Variants in AP3B2 observed in about 807,000 individuals in gnomAD.
AP3B2 encodes the protein adaptor related protein complex 3 subunit beta 2.
AP3B2 carries 50 observed loss-of-function variants against 126.9 expected under a neutral mutation model. The ratio of observed to expected loss-of-function variants is 0.39; its 90% CI spans 0.31 to 0.50. The LOEUF (loss-of-function observed/expected upper bound fraction) is 0.50. Among genes scored for constraint, AP3B2 ranks in the 20% least tolerant of loss-of-function variants. AP3B2 has a pLI of 0.79. For missense variants in AP3B2, 1,177 were observed against 1,426.4 expected, an observed-to-expected ratio of 0.83 and a Z score of 2.82; for synonymous variants, 541 against 565.0, an observed-to-expected ratio of 0.96 and a Z score of 0.60.
At chr15:82,685,618 T>C (rs1290087771) in intron 4 of AP3B2, 1 of 152,240 alleles carries the variant, frequency 6.6e-6, no homozygotes, top group Non-Finnish European at 1.5e-5. Context: ...AAACCTGTTT[T>C]CCTTTTTTGT....
chr15:82,670,521 A>C (rs2048138885), intron 14 of AP3B2, among the ~76,000 whole-genome samples: 1 of 152,158 alleles, frequency 6.6e-6, no homozygotes, highest in African/African-American at 2.4e-5. Flanking sequence ...ATAAAACCAG[A>C]CCCCTATCTC....
chr15:82,662,754 G>C lies in AP3B2; in HGVS notation c.2773C>G (p.Leu925Val). 3 of 1,613,904 alleles carry C rather than the reference G, an allele frequency of 1.9e-6. No homozygotes were observed. Among genetic ancestry groups the C allele is most frequent in the Non-Finnish European group, 2.5e-6 (3 of 1,179,842 alleles). ...SNSSDTPIKGLHVGTPKLPAG... is the reference protein window; with the variant it reads ...SNSSDTPIKGVHVGTPKLPAG... Reference sequence around the variant, plus strand: ...GGCAGTTTGGGAGTGCCCACATGCAGGCCCTTGATGGGGGTATCAGAGCTG... The same window carrying C: ...GGCAGTTTGGGAGTGCCCACATGCACGCCCTTGATGGGGGTATCAGAGCTG... Residue 925 changes from leucine to valine, a missense_variant, in exon 23 of 27, where the codon CTG becomes GTG. Coordinates refer to ENST00000535359, the MANE Select transcript of AP3B2 (RefSeq NM_001278512.2).
Position 82,678,102 on chromosome 15 carries a change from T to C in AP3B2, c.1245+3A>G, listed in dbSNP as rs940753703. 5 of 1,613,652 alleles carry C rather than the reference T, an allele frequency of 3.1e-6. No homozygotes were observed. The highest frequency in any genetic ancestry group is 8.5e-7 in the Non-Finnish European group (1 of 1,179,818). ...GCCCTTCTGGCTGGGAGCTGGCCTGTACCTGGAATTCCCGTAGGACAGTAG... is the reference window on the plus strand; with the variant it reads ...GCCCTTCTGGCTGGGAGCTGGCCTGCACCTGGAATTCCCGTAGGACAGTAG... On this transcript the variant is annotated splice_donor_region_variant and intron_variant, in intron 11 of 26. Transcript: ENST00000535359.
Position 82,665,076 on chromosome 15 carries a change from G to A in AP3B2, c.2029-133C>T. 1 of 1,022,228 alleles carries A rather than the reference G, an allele frequency of 9.8e-7. No homozygotes were observed. Among genetic ancestry groups the A allele is most frequent in the South Asian group, 1.5e-5 (1 of 66,490 alleles). 63.3% of individuals were successfully genotyped at this position (1,022,228 alleles called of 1,614,324 possible). A position where few individuals can be genotyped will look rare whatever the true frequency, so the allele number is the denominator to read the frequency against. Reference sequence around the variant, plus strand: ...CTGTCCCACAAAGGGAATAACAGAGGAGGAAGAAAGGGGCACTGTCCATGG... The same window carrying A: ...CTGTCCCACAAAGGGAATAACAGAGAAGGAAGAAAGGGGCACTGTCCATGG... On this transcript the variant is annotated intron_variant, in intron 17 of 26. Transcript: ENST00000535359. This position sits in a 1 kb window ranked among gnomAD's most constrained non-coding sequence, Gnocchi z 4.4.
At chr15:82,693,582 C>T (rs898652531) in intron 1 of AP3B2, among the ~76,000 whole-genome samples, 1 of 151,962 alleles carries the variant, frequency 6.6e-6, no homozygotes, top group Non-Finnish European at 1.5e-5. Flanking sequence ...CATATTTCAC[C>T]CCAAAATAAA....
intron 4 of AP3B2, chr15:82,688,387 C>T (rs769460968): frequency 3.7e-5 from 26 of 701,584 alleles, no homozygotes; most frequent in Middle Eastern, 2.3e-4. Flanking sequence ...GACCACAATT[C>T]ACACCTTTAC....
rs1391683098 is a variant in AP3B2, at chr15:82,663,199, TG to T, written c.2531del (p.Pro844GlnfsTer15). Reference sequence around the variant, plus strand: ...CAGCCAGACTGGTAGACACAATTGCTGGGGGAGACACAGGCTGGACACTGGG... The same window carrying T: ...CAGCCAGACTGGTAGACACAATTGCTGGGGAGACACAGGCTGGACACTGGG... ...TPPSVQPVSP[P>X]AIVSTSLAAD... On this transcript the variant is annotated frameshift_variant, in exon 22 of 27. Transcript: ENST00000535359. LOFTEE classifies it high-confidence loss of function. 2 of 1,612,888 alleles carry T rather than the reference TG, an allele frequency of 1.2e-6. No homozygotes were observed. The highest frequency in any genetic ancestry group is 1.7e-6 in the Non-Finnish European group (2 of 1,179,692).
At chr15:82,683,843 G>A (rs2048384112) in intron 4 of AP3B2, among the ~76,000 whole-genome samples, 1 of 152,190 alleles carries the variant, frequency 6.6e-6, no homozygotes. Flanking sequence ...TAGCAGGCAT[G>A]AAATCATTAA....
At chr15:82,663,706 C>G (rs2047998433) in intron 20 of AP3B2, 86 bp from the exon 21 acceptor site, 1 of 1,605,678 alleles carries the variant, frequency 6.2e-7, no homozygotes, top group Non-Finnish European at 8.5e-7. Flanking sequence ...ATGTTCTGTT[C>G]TGGATGGTAG....
intron 1 of AP3B2, among the ~76,000 whole-genome samples, chr15:82,699,035 C>T (rs919283784): frequency 1.3e-5 from 2 of 152,204 alleles, no homozygotes; most frequent in African/African-American, 4.8e-5. Flanking sequence ...GAGGCAGAGG[C>T]AGGGACTAAG....
At chr15:82,663,448 G>A (rs966466657) in intron 21 of AP3B2, 112 bp downstream of exon 21, 1 of 1,251,828 alleles carries the variant, frequency 8.0e-7, no homozygotes, top group Non-Finnish European at 1.2e-6. Context: ...TGTTCTGTCT[G>A]CTCCCCTGCT....
At chr15:82,677,845 C>T in intron 11 of AP3B2, 42 bp from the exon 12 acceptor site, 1 of 1,547,548 alleles carries the variant, frequency 6.5e-7, no homozygotes, top group South Asian at 1.2e-5. Context: ...ACTCTGCAGG[C>T]TTGAGGGTGA....
chr15:82,705,908 T>G (rs2048788527), intron 1 of AP3B2, among the ~76,000 whole-genome samples: 1 of 152,106 alleles, frequency 6.6e-6, no homozygotes, highest in Non-Finnish European at 1.5e-5. Context: ...CTTTTGCCAC[T>G]CCTTTCCATT....
At chr15:82,668,982 C>T (rs902278473) in intron 14 of AP3B2, among the ~76,000 whole-genome samples, 4 of 152,186 alleles carry the variant, frequency 2.6e-5, no homozygotes, top group Non-Finnish European at 5.9e-5. Context: ...TGAAATATAT[C>T]CTCAATTCAC....
intron 1 of AP3B2, 66 bp from the exon 2 acceptor site, chr15:82,689,519 T>A: frequency 6.6e-7 from 1 of 1,505,612 alleles, no homozygotes. Context: ...ATCAGGAGGG[T>A]CCAGGCACAA....
intron 4 of AP3B2, among the ~76,000 whole-genome samples, chr15:82,682,659 G>C (rs1006878898): frequency 3.3e-5 from 5 of 151,620 alleles, no homozygotes; most frequent in African/African-American, 1.2e-4. Context: ...GGAGGCTGAA[G>C]TGAGCTACAT....
At position 82,665,644 on chromosome 15, in the gene AP3B2, T is replaced by G; in HGVS notation, c.1853-69A>C. 7.8e-7 allele frequency: 1 copy of G among 1,285,300 alleles called. No homozygotes were observed. Among genetic ancestry groups the G allele is most frequent in the African/African-American group, 1.5e-5 (1 of 68,178 alleles). 79.6% of individuals were successfully genotyped at this position (1,285,300 alleles called of 1,614,324 possible). ...AAAGCTCTGGGAGCTGTTTTCCAGG[T>G]GGGGCTGGGTGGTGATTCTGGTTGG... is the stretch of plus-strand genomic sequence containing the variant. On this transcript the variant is annotated intron_variant, in intron 15 of 26. Coordinates refer to ENST00000535359, the MANE Select transcript of AP3B2 (RefSeq NM_001278512.2). The surrounding 1 kb of genome is among the most constrained non-coding windows in gnomAD (Gnocchi z 4.4).
chr15:82,688,785 T>C lies in AP3B2; in HGVS notation c.311A>G (p.Gln104Arg), dbSNP rs1254022828. 6.2e-7 allele frequency: 1 copy of C among 1,613,086 alleles called. No individual in the cohort carries two copies. Among genetic ancestry groups the C allele is most frequent in the Non-Finnish European group, 8.5e-7 (1 of 1,179,608 alleles). Reference sequence around the variant, plus strand: ...GATGGACAGCAGGGCCAGGTCTTGCTGCTCCTCAGCGTAGCGTACCAGGTA... The same window carrying C: ...GATGGACAGCAGGGCCAGGTCTTGCCGCTCCTCAGCGTAGCGTACCAGGTA... The part of the protein sequence containing the change: ...YVYLVRYAEE[Q>R]QDLALLSIST... Residue 104 changes from glutamine (Q) to arginine (R), a missense_variant, in exon 4 of 27, where the codon CAG becomes CGG. By Grantham distance (43) the Gln-to-Arg change is conservative (BLOSUM62 1). Around this residue, in one of 5 missense-constraint regions of AP3B2, gnomAD observed 130 missense variants for 262.0 expected, o/e 0.50. Coordinates refer to ENST00000535359, the MANE Select transcript of AP3B2 (RefSeq NM_001278512.2).
Position 82,664,066 on chromosome 15 carries a change from G to C in AP3B2, c.2262-91C>G, listed in dbSNP as rs985586325. The C allele has an allele frequency of 2.0e-6, 3 of 1,490,582 alleles. No homozygotes were observed. Among genetic ancestry groups the C allele is most frequent in the Non-Finnish European group, 2.7e-6 (3 of 1,122,992 alleles). 92.3% of individuals were successfully genotyped at this position (1,490,582 alleles called of 1,614,324 possible). On this transcript the variant is annotated intron_variant, in intron 19 of 26. Coordinates refer to ENST00000535359, the MANE Select transcript of AP3B2 (RefSeq NM_001278512.2). The surrounding 1 kb of genome is among the most constrained non-coding windows in gnomAD (Gnocchi z 4.5). ...GGAGAAATGCTGAAAAGCTGGAGTG[G>C]TGTGGGGAGCCTGAGCCAGGAGGGT...
Sources: gnomAD v4.1 joint callset for allele counts (sites outside exome capture counted in the v4.1 genomes callset) on GRCh38, gnomAD v4.1.1 for gene constraint, gnomAD v4.1.1 regional missense constraint, Gnocchi (gnomAD v3.1) non-coding constraint, MANE v1.5 for transcripts, NCBI Gene and HGNC (gene_info 2026-07-23, HGNC 2026-07-21) for gene names.